NALF1: variants seen among roughly 807,000 people sequenced by gnomAD.
The protein encoded by NALF1 is family with sequence similarity 155 member A.
Under a neutral mutation model 48.4 loss-of-function variants are expected in NALF1, and 3 were observed. The observed-to-expected ratio is 0.06, with a 90% confidence interval of 0.03 to 0.16. The LOEUF is 0.16. Ranked by LOEUF, NALF1 falls within the 10% of genes least tolerant of loss-of-function variation. NALF1 has a pLI of 1.00. For synonymous variants in NALF1, 262 were observed against 245.7 expected, an observed-to-expected ratio of 1.07 and a Z score of -0.62; for missense variants, 526 against 571.5, an observed-to-expected ratio of 0.92 and a Z score of 0.81.
intron 1 of NALF1, among the ~76,000 whole-genome samples, chr13:107,631,192 C>G (rs1000919079): frequency 6.6e-6 from 1 of 151,944 alleles, no homozygotes; most frequent in Non-Finnish European, 1.5e-5. Context: ...GAGAAGAGGT[C>G]CCACTTTGTT....
At chr13:107,451,598 G>C (rs1163209793) in intron 1 of NALF1, among the ~76,000 whole-genome samples, 2 of 152,144 alleles carry the variant, frequency 1.3e-5, no homozygotes, top group Non-Finnish European at 2.9e-5. Flanking sequence ...TCTTCCATCA[G>C]CATTTTTATT....
chr13:107,458,576 G>A (rs902616193), intron 1 of NALF1, among the ~76,000 whole-genome samples: 1 of 152,182 alleles, frequency 6.6e-6, no homozygotes. Flanking sequence ...AAACGAGAGA[G>A]AAGCAGGCGA....
rs551101453 is a variant in NALF1, at chr13:107,376,346, G to T, written c.916-165591C>A. The stretch of plus-strand genomic sequence containing the variant: ...ATAGATAGGTGTGTGGGATTAAGAA[G>T]AATTTACACGTTTCCTCCTCCACAT... On this transcript the variant is annotated intron_variant, in intron 1 of 2. Transcript: ENST00000375915. 6.6e-5 allele frequency among the ~76,000 whole-genome samples: 10 copies of T among 152,262 alleles called. No homozygotes were observed. In the South Asian group the frequency reaches 2.1e-3, roughly 32 times the overall value.
intron 1 of NALF1, among the ~76,000 whole-genome samples, chr13:107,722,852 C>T (rs984148606): frequency 5.9e-5 from 9 of 152,194 alleles, no homozygotes; most frequent in African/African-American, 2.2e-4. Flanking sequence ...GGTTTCAGCG[C>T]GCACCTTCCC....
At chr13:107,456,792 T>C (rs1032486683) in intron 1 of NALF1, among the ~76,000 whole-genome samples, 13 of 152,152 alleles carry the variant, frequency 8.5e-5, no homozygotes, top group African/African-American at 3.1e-4. Flanking sequence ...ATATTTGAAA[T>C]TACCATAAAC....
intron 1 of NALF1, among the ~76,000 whole-genome samples, chr13:107,288,219 C>CTTTTTT (rs375800659): frequency 1.6e-4 from 20 of 125,148 alleles, no homozygotes; most frequent in African/African-American, 3.0e-4. Flanking sequence ...GATCTGAAGA[C>CTTTTTT]TTTTTTTTTT....
At chr13:107,284,096 A>T (rs924828349) in intron 1 of NALF1, among the ~76,000 whole-genome samples, 2 of 152,208 alleles carry the variant, frequency 1.3e-5, no homozygotes, top group African/African-American at 4.8e-5. Context: ...TATGGCTGAC[A>T]TACGATCACA....
chr13:107,500,538 C>T (rs1875487524), intron 1 of NALF1, among the ~76,000 whole-genome samples: 1 of 150,768 alleles, frequency 6.6e-6, no homozygotes, highest in Non-Finnish European at 1.5e-5. Context: ...TTGTGGAAGT[C>T]AGTGTGGCGA....
At chr13:107,346,645 T>C (rs1369825950) in intron 1 of NALF1, among the ~76,000 whole-genome samples, 2 of 152,176 alleles carry the variant, frequency 1.3e-5, no homozygotes, top group African/African-American at 4.8e-5. Flanking sequence ...CTTTAATAGG[T>C]GTAGCATGTG....
intron 1 of NALF1, among the ~76,000 whole-genome samples, chr13:107,822,314 ATT>A (rs5806697): frequency 2.4e-4 from 35 of 146,710 alleles, no homozygotes; most frequent in African/African-American, 2.5e-4. Context: ...ATGCAAAAGT[ATT>A]TTTTTTTTTT....
At chr13:107,688,109 G>A (rs1265526101) in intron 1 of NALF1, among the ~76,000 whole-genome samples, 5 of 152,004 alleles carry the variant, frequency 3.3e-5, no homozygotes, top group Admixed American at 6.6e-5. Context: ...CTTATATGTG[G>A]TAAATGTGTG....
intron 1 of NALF1, among the ~76,000 whole-genome samples, chr13:107,847,692 A>C (rs1237872778): frequency 6.6e-6 from 1 of 152,172 alleles, no homozygotes; most frequent in Non-Finnish European, 1.5e-5. Flanking sequence ...AGGATTCAAC[A>C]ACCACGTGAG....
chr13:107,784,554 A>G (rs947950717), intron 1 of NALF1, among the ~76,000 whole-genome samples: 1 of 152,200 alleles, frequency 6.6e-6, no homozygotes, highest in Non-Finnish European at 1.5e-5. Flanking sequence ...AAAACAAACA[A>G]ACAAACAAAC....
At chr13:107,668,523 T>C (rs536635497) in intron 1 of NALF1, among the ~76,000 whole-genome samples, 6 of 152,184 alleles carry the variant, frequency 3.9e-5, no homozygotes, top group African/African-American at 1.4e-4. Flanking sequence ...GTTCTTCTGT[T>C]TGTCTGATAC....
At chr13:107,843,732 G>A (rs1157135214) in intron 1 of NALF1, among the ~76,000 whole-genome samples, 2 of 152,028 alleles carry the variant, frequency 1.3e-5, no homozygotes, top group African/African-American at 4.8e-5. Flanking sequence ...CTGGTATGGA[G>A]GCCAGAATGA....
chr13:107,211,537 G>A (rs1320701637), intron 1 of NALF1, among the ~76,000 whole-genome samples: 1 of 152,136 alleles, frequency 6.6e-6, no homozygotes, highest in Non-Finnish European at 1.5e-5. Flanking sequence ...TGGCTATTTG[G>A]GAAAACAAAC....
chr13:107,624,641 A>T (rs576537238), intron 1 of NALF1, among the ~76,000 whole-genome samples: 3 of 152,310 alleles, frequency 2.0e-5, no homozygotes, highest in East Asian at 1.9e-4. Context: ...GTTCTTTCAA[A>T]TTTTTGCTGT....
intron 1 of NALF1, among the ~76,000 whole-genome samples, chr13:107,749,674 C>A (rs1876878312): frequency 6.6e-6 from 1 of 151,984 alleles, no homozygotes; most frequent in African/African-American, 2.4e-5. Flanking sequence ...AAATCTTGTT[C>A]TTTACATTTA....
chr13:107,613,013 A>G (rs1253790972), intron 1 of NALF1, among the ~76,000 whole-genome samples: 5 of 151,352 alleles, frequency 3.3e-5, no homozygotes, highest in African/African-American at 1.2e-4. Context: ...AAAAAAAAAA[A>G]AGAAAAGAAA....
Sources: allele counts gnomAD v4.1 joint callset (sites outside exome capture counted in the v4.1 genomes callset), GRCh38; gene constraint gnomAD v4.1.1; transcripts MANE v1.5; gene names NCBI Gene and HGNC (gene_info 2026-07-23, HGNC 2026-07-21).